The following CLMP variants were observed in gnomAD, a reference collection of about 807,000 sequenced individuals.
CLMP encodes the protein CXADR-like membrane protein.
Under a neutral mutation model 45.2 loss-of-function variants are expected in CLMP, and 27 were observed. The observed-to-expected ratio is 0.60, with a 90% CI of 0.44 to 0.82. The LOEUF (loss-of-function observed/expected upper bound fraction) is 0.82, where lower values mean the gene tolerates loss of function less well. Among genes scored for constraint, CLMP ranks in the 40% least tolerant of loss-of-function variants. The pLI, the probability that CLMP is intolerant of heterozygous loss-of-function variation, is 0.00. For synonymous variants in CLMP, 167 were observed against 171.4 expected, an observed-to-expected ratio of 0.97 and a Z score of 0.20; for missense variants, 403 against 448.4, an observed-to-expected ratio of 0.90 and a Z score of 0.91.
At chr11:123,174,041 C>T (rs1160223110) in intron 1 of CLMP, among the ~76,000 whole-genome samples, 1 of 152,010 alleles carries the variant, frequency 6.6e-6, no homozygotes, top group Non-Finnish European at 1.5e-5. Context: ...TGTGATCTCG[C>T]TACTGCATTC....
chr11:123,110,251 C>T (rs1443668521), intron 1 of CLMP, among the ~76,000 whole-genome samples: 6 of 151,976 alleles, frequency 3.9e-5, no homozygotes, highest in Non-Finnish European at 5.9e-5. Context: ...GTCAGGAGTT[C>T]GAGACCAGCC....
At chr11:123,115,872 G>A (rs1420838773) in intron 1 of CLMP, among the ~76,000 whole-genome samples, 1 of 152,166 alleles carries the variant, frequency 6.6e-6, no homozygotes, top group Non-Finnish European at 1.5e-5. Context: ...AGTTTCTGTG[G>A]GTCAGGAATC....
At chr11:123,162,604 T>TG (rs74714649) in intron 1 of CLMP, among the ~76,000 whole-genome samples, 11,228 of 151,762 alleles carry the variant, frequency 0.074, 483 homozygotes, top group African/African-American at 0.12. Context: ...AAGATAAAAG[T>TG]TGCATAAATG....
At chr11:123,110,110 T>C (rs1230219038) in intron 1 of CLMP, among the ~76,000 whole-genome samples, 2 of 152,192 alleles carry the variant, frequency 1.3e-5, no homozygotes, top group African/African-American at 4.8e-5. Flanking sequence ...TTATGGTGCC[T>C]AGTTATTTCC....
chr11:123,102,730 T>C (rs1860472486), intron 1 of CLMP, among the ~76,000 whole-genome samples: 1 of 126,592 alleles, frequency 7.9e-6, no homozygotes, highest in South Asian at 2.6e-4. Flanking sequence ...TTTTTTTTTG[T>C]ATTTTTAGTA....
intron 1 of CLMP, among the ~76,000 whole-genome samples, chr11:123,167,086 G>A (rs12281599): frequency 0.034 from 5,243 of 152,248 alleles, 158 homozygotes; most frequent in African/African-American, 0.092. Context: ...AGTGTTTAGC[G>A]CAGTGCTTGG....
Position 123,152,670 on chromosome 11 carries a change from T to G in CLMP, c.28+42243A>C, listed in dbSNP as rs1861355486. 2.0e-5 allele frequency among the ~76,000 whole-genome samples: 3 copies of G among 152,118 alleles called. No homozygotes were observed. The South Asian group carries it at 6.2e-4, about 31-fold the overall frequency. On this transcript the variant is annotated intron_variant, in intron 1 of 6. Coordinates refer to ENST00000448775, the MANE Select transcript of CLMP (RefSeq NM_024769.5). ...CTTCCAGAATTGTGAGAAAATACAT[T>G]TCTGTTGTTTCCGTCACCCAGTCTG... is the stretch of plus-strand genomic sequence containing the variant.
chr11:123,192,399 G>A (rs1373976940), intron 1 of CLMP, among the ~76,000 whole-genome samples: 1 of 152,196 alleles, frequency 6.6e-6, no homozygotes, highest in African/African-American at 2.4e-5. Context: ...AAGAACCAGA[G>A]AGGTTGCCAG....
chr11:123,175,600 G>A (rs963884283), intron 1 of CLMP, among the ~76,000 whole-genome samples: 5 of 152,214 alleles, frequency 3.3e-5, no homozygotes, highest in African/African-American at 9.7e-5. Flanking sequence ...TGGGACTACA[G>A]GTGTGAGTCA....
At chr11:123,122,501 G>A (rs1305653856) in intron 1 of CLMP, among the ~76,000 whole-genome samples, 7 of 152,156 alleles carry the variant, frequency 4.6e-5, no homozygotes, top group South Asian at 4.1e-4. Flanking sequence ...CAGCTTGTCC[G>A]TGTACTCAGG....
At chr11:123,137,147 C>CTTTTTTTTT (rs375816483) in intron 1 of CLMP, among the ~76,000 whole-genome samples, 18 of 82,464 alleles carry the variant, frequency 2.2e-4, no homozygotes, top group Non-Finnish European at 2.8e-4. Context: ...TTTTCTTTTT[C>CTTTTTTTTT]TTTTTTTTTT....
At position 123,084,653 on chromosome 11, in the gene CLMP, C is replaced by G; in HGVS notation, c.247G>C (p.Val83Leu). 6.2e-7 allele frequency: 1 copy of G among 1,614,212 alleles called. No individual in the cohort carries two copies. Among genetic ancestry groups the G allele is most frequent in the East Asian group, 2.2e-5 (1 of 44,886 alleles). ...GCCAGGAAATTGGAAGCAAAGGCCACTCGGCCCTTCTGTTCCTCAGTCAAG... is the reference window on the plus strand; with the variant it reads ...GCCAGGAAATTGGAAGCAAAGGCCAGTCGGCCCTTCTGTTCCTCAGTCAAG... ...NNLTEEQKGR[V>L]AFASNFLAGD... is the part of the protein sequence containing the mutation. The change falls in exon 3 of 7, where the codon GTG (valine) becomes CTG (leucine). Residue 83 changes from valine to leucine, a missense_variant. Transcript: ENST00000448775.
At chr11:123,091,207 C>T (rs939033655) in intron 2 of CLMP, among the ~76,000 whole-genome samples, 6 of 152,068 alleles carry the variant, frequency 3.9e-5, no homozygotes, top group Non-Finnish European at 7.4e-5. Flanking sequence ...TGCGTTCAAG[C>T]GATTCTCCTG....
chr11:123,142,130 T>C (rs1172892980), intron 1 of CLMP, among the ~76,000 whole-genome samples: 1 of 151,862 alleles, frequency 6.6e-6, no homozygotes, highest in Admixed American at 6.6e-5. Context: ...GAATACAGGT[T>C]CATGCCACTA....
Position 123,073,382 on chromosome 11 carries a change from T to C in CLMP, c.*92A>G. On this transcript the variant is annotated 3_prime_UTR_variant, in exon 7 of 7. Coordinates refer to ENST00000448775, the MANE Select transcript of CLMP (RefSeq NM_024769.5). The stretch of plus-strand genomic sequence containing the variant: ...ACTGCTACTTAGATGACCTCTCATC[T>C]GGTTGTGTGGCTGGTGACTTGAGCT... 7.1e-7 allele frequency: 1 copy of C among 1,399,262 alleles called. No individual in the cohort carries two copies. Among genetic ancestry groups the C allele is most frequent in the South Asian group, 1.4e-5 (1 of 72,952 alleles). 86.7% of individuals were successfully genotyped at this position (1,399,262 alleles called of 1,614,324 possible).
At chr11:123,085,073 A>G (rs1485201657) in intron 2 of CLMP, among the ~76,000 whole-genome samples, 8 of 152,138 alleles carry the variant, frequency 5.3e-5, no homozygotes, top group Non-Finnish European at 1.0e-4. Flanking sequence ...GTGTACAGCT[A>G]TGCATGTATT....
intron 1 of CLMP, among the ~76,000 whole-genome samples, chr11:123,100,027 C>T (rs949966920): frequency 3.9e-5 from 6 of 152,048 alleles, no homozygotes; most frequent in African/African-American, 9.7e-5. Context: ...GTCAAAACTA[C>T]GGAATATAGT....
intron 2 of CLMP, among the ~76,000 whole-genome samples, chr11:123,091,079 C>A (rs183816683): frequency 6.6e-6 from 1 of 151,912 alleles, no homozygotes; most frequent in Non-Finnish European, 1.5e-5. Context: ...TTCCTTCTTT[C>A]TTTCTCTCTC....
intron 1 of CLMP, among the ~76,000 whole-genome samples, chr11:123,143,325 A>G (rs1050942980): frequency 5.9e-5 from 9 of 152,208 alleles, no homozygotes; most frequent in African/African-American, 2.2e-4. Flanking sequence ...CAACCAAGTC[A>G]CAGGTTTTTT....
Sources: gnomAD v4.1 joint callset for allele counts (sites outside exome capture counted in the v4.1 genomes callset) on GRCh38, gnomAD v4.1.1 for gene constraint, MANE v1.5 for transcripts, NCBI Gene and HGNC (gene_info 2026-07-23, HGNC 2026-07-21) for gene names.